DNM3: variants seen among roughly 807,000 people sequenced by gnomAD.
DNM3 encodes the protein dynamin-3.
Under a neutral mutation model 101.6 loss-of-function variants are expected in DNM3, and 47 were observed. The ratio of observed to expected loss-of-function variants is 0.46; its 90% CI spans 0.37 to 0.59. The LOEUF is 0.59. DNM3 is among the 20% of genes least tolerant of loss of function. DNM3 has a pLI of 0.00. For missense variants in DNM3, 849 were observed against 1,085.7 expected, an observed-to-expected ratio of 0.78 and a Z score of 3.06; for synonymous variants, 385 against 387.9, an observed-to-expected ratio of 0.99 and a Z score of 0.09.
chr1:172,308,703 TGA>T, intron 15 of DNM3, 23 bp from the exon 16 acceptor site: 1 of 1,350,530 alleles, frequency 7.4e-7, no homozygotes, highest in Non-Finnish European at 1.0e-6. Context: ...ACTAAAAGCA[TGA>T]TTTTTTTTTT....
At chr1:172,087,448 C>G (rs1181721858) in intron 12 of DNM3, among the ~76,000 whole-genome samples, 14 of 152,188 alleles carry the variant, frequency 9.2e-5, no homozygotes, top group African/African-American at 2.4e-4. Flanking sequence ...GTACCATATT[C>G]AGATGTCTAT....
chr1:172,133,748 T>G (rs879773620), intron 14 of DNM3, among the ~76,000 whole-genome samples: 7 of 152,118 alleles, frequency 4.6e-5, no homozygotes, highest in Non-Finnish European at 1.0e-4. Context: ...TGATGAGCTG[T>G]GCAGAAGATT....
At chr1:171,999,293 T>C (rs1189727888) in intron 4 of DNM3, among the ~76,000 whole-genome samples, 1 of 152,114 alleles carries the variant, frequency 6.6e-6, no homozygotes, top group Non-Finnish European at 1.5e-5. Context: ...ACTTTACTAA[T>C]GGTTTGCTTC....
intron 2 of DNM3, among the ~76,000 whole-genome samples, chr1:171,986,740 T>C (rs1449640709): frequency 6.6e-6 from 1 of 151,898 alleles, no homozygotes; most frequent in African/African-American, 2.4e-5. Context: ...TTATCTGGCA[T>C]TTGGGTCCAA....
chr1:172,148,320 G>A (rs2057998409), intron 14 of DNM3, among the ~76,000 whole-genome samples: 1 of 148,012 alleles, frequency 6.8e-6, no homozygotes, highest in Non-Finnish European at 1.5e-5. Context: ...TTGACTGGCT[G>A]ATGGTAGTCC....
At chr1:171,862,133 G>C (rs868443917) in intron 1 of DNM3, among the ~76,000 whole-genome samples, 10 of 152,150 alleles carry the variant, frequency 6.6e-5, no homozygotes, top group African/African-American at 2.4e-4. Flanking sequence ...ACTGGTGGGA[G>C]TGTCAGATTG....
intron 14 of DNM3, among the ~76,000 whole-genome samples, chr1:172,155,630 A>G (rs920662818): frequency 6.6e-6 from 1 of 152,124 alleles, no homozygotes; most frequent in Non-Finnish European, 1.5e-5. Flanking sequence ...ATGTAAAAGT[A>G]AACATCCAGT....
chr1:172,418,435 AT>A lies in DNM3; in HGVS notation c.*119del, dbSNP rs2071506863. On this transcript the variant is annotated 3_prime_UTR_variant, in exon 21 of 21. Coordinates refer to the DNM3 transcript ENST00000485254. ...AAACTTTTATTTTTCATCCATGTGT[AT>A]AATAAAAACAAAGTTTATTCTATAT... The A allele has an allele frequency of 2.6e-5, 22 of 839,744 alleles. No individual in the cohort carries two copies. In the South Asian group the frequency reaches 4.3e-4, roughly 17 times the overall value. The allele number at this position is 839,744 out of a possible 1,614,324, so 52.0% of individuals were successfully genotyped here.
rs948548987 is a variant in DNM3 at position 172,412,660 on chromosome 1, A to C, written c.*4819A>C. The C allele has an allele frequency of 6.1e-6, 6 of 985,568 alleles. No individual in the cohort carries two copies. In the African/African-American group the frequency reaches 1.0e-4, roughly 17 times the overall value. The allele number at this position is 985,568 out of a possible 1,614,324, so 61.1% of individuals were successfully genotyped here. ...TCGTTCTTGAAGGTCACATGTACCT[A>C]TTGTGAAAATGTGAAGCTGTATTTC... On this transcript the variant is annotated 3_prime_UTR_variant, in exon 21 of 21. Coordinates refer to ENST00000627582, the MANE Select transcript of DNM3 (RefSeq NM_015569.5).
In DNM3 at chr1:172,410,865, C is replaced by T. The variant is rs895249146; in HGVS notation, c.*3024C>T. On this transcript the variant is annotated 3_prime_UTR_variant, in exon 21 of 21. Transcript: ENST00000627582. The stretch of plus-strand genomic sequence containing the variant: ...TAGTATAGACTGTAGCCATAATTCT[C>T]AAATATGAAATGGGACCTAATACCA... The T allele has an allele frequency of 3.0e-6, 3 of 985,072 alleles. No homozygotes were observed. In the African/African-American group the frequency reaches 5.2e-5, roughly 17 times the overall value. 61.0% of individuals were successfully genotyped at this position (985,072 alleles called of 1,614,324 possible).
chr1:171,981,709 T>C (rs1416514673), intron 2 of DNM3, among the ~76,000 whole-genome samples: 1 of 152,250 alleles, frequency 6.6e-6, no homozygotes, highest in Non-Finnish European at 1.5e-5. Flanking sequence ...TATAGTAATG[T>C]ATCTTAACCT....
chr1:172,055,013 A>G (rs2050491563), intron 10 of DNM3, among the ~76,000 whole-genome samples: 2 of 148,122 alleles, frequency 1.4e-5, no homozygotes, highest in African/African-American at 5.0e-5. Flanking sequence ...TTTTCCATTA[A>G]GAAGTGCTGT....
intron 13 of DNM3, among the ~76,000 whole-genome samples, chr1:172,100,812 T>C (rs10752864): frequency 0.31 from 46,814 of 152,088 alleles, 8,639 homozygotes; most frequent in Non-Finnish European, 0.4. Context: ...TGTTCTGCTC[T>C]TTTGCTGTGG....
At chr1:172,106,514 A>C (rs537162713) in intron 13 of DNM3, among the ~76,000 whole-genome samples, 4 of 152,278 alleles carry the variant, frequency 2.6e-5, no homozygotes, top group Admixed American at 2.6e-4. Flanking sequence ...TAGGTGATGA[A>C]ATAATCTATA....
chr1:172,020,721 C>CA (rs3051630), intron 4 of DNM3, among the ~76,000 whole-genome samples: 5,714 of 66,014 alleles, frequency 0.087, 1,087 homozygotes, highest in African/African-American at 0.32. Context: ...GAGACTCCGT[C>CA]AAAAAAAAAA....
chr1:172,269,623 T>C (rs2063004886), intron 15 of DNM3, among the ~76,000 whole-genome samples: 1 of 152,236 alleles, frequency 6.6e-6, no homozygotes, highest in South Asian at 2.1e-4. Flanking sequence ...TATTAGTCAC[T>C]CTGAAGAACT....
intron 1 of DNM3, among the ~76,000 whole-genome samples, chr1:171,906,660 A>G (rs1364624560): frequency 2.0e-5 from 3 of 152,162 alleles, no homozygotes; most frequent in Non-Finnish European, 4.4e-5. Flanking sequence ...TGGAAGCTAT[A>G]TGTTATTTTC....
At chr1:172,120,074 T>C (rs2056209681) in intron 13 of DNM3, among the ~76,000 whole-genome samples, 1 of 152,218 alleles carries the variant, frequency 6.6e-6, no homozygotes, top group Non-Finnish European at 1.5e-5. Context: ...AAGAGAACTT[T>C]TCATGTGCAA....
chr1:172,329,767 A>T lies in DNM3; in HGVS notation c.1893+6427A>T, dbSNP rs532543814. Among the ~76,000 whole-genome samples the T allele has an allele frequency of 3.9e-5, 6 of 152,346 alleles. 1 individual carries two copies. The East Asian group carries it at 1.2e-3, about 29-fold the overall frequency. On this transcript the variant is annotated intron_variant, in intron 17 of 20. Transcript: ENST00000627582. Reference sequence around the variant, plus strand: ...GTTTATTAAAAAAGCTAAAACAAAAAAAGCAAAACAAAGCAAAGAACACTA... The same window carrying T: ...GTTTATTAAAAAAGCTAAAACAAAATAAGCAAAACAAAGCAAAGAACACTA...
Sources: gnomAD v4.1 joint callset for allele counts (sites outside exome capture counted in the v4.1 genomes callset) on GRCh38, gnomAD v4.1.1 for gene constraint, MANE v1.5 for transcripts, NCBI Gene and HGNC (gene_info 2026-07-23, HGNC 2026-07-21) for gene names.